ECHDC3: variants seen among roughly 807,000 people sequenced by gnomAD.
The protein encoded by ECHDC3 is enoyl-CoA hydratase domain-containing protein 3, mitochondrial.
Under a neutral mutation model 17.9 loss-of-function variants are expected in ECHDC3, and 20 were observed. The ratio of observed to expected loss-of-function variants is 1.12; its 90% CI spans 0.79 to 1.63. The LOEUF (loss-of-function observed/expected upper bound fraction) is 1.63. Ranked by LOEUF, ECHDC3 falls within the 40% of genes most tolerant of loss-of-function variation. The pLI is 0.00. For synonymous variants in ECHDC3, 177 were observed against 149.7 expected (o/e 1.18, Z -1.33); for missense variants, 407 against 357.7 (o/e 1.14, Z -1.11).
At chr10:11,748,937 A>T (rs894559252) in intron 2 of ECHDC3, among the ~76,000 whole-genome samples, 1 of 152,262 alleles carries the variant, frequency 6.6e-6, no homozygotes, top group African/African-American at 2.4e-5. Context: ...TTATCAGCTC[A>T]TCAGTAGGAT....
chr10:11,743,602 C>T (rs998786139), intron 1 of ECHDC3, among the ~76,000 whole-genome samples: 5 of 152,240 alleles, frequency 3.3e-5, no homozygotes, highest in Admixed American at 3.3e-4. Flanking sequence ...GCTCTACAGA[C>T]AGCTGCTCTT....
Position 11,763,599 on chromosome 10 carries a change from C to A in ECHDC3, c.*55C>A. On this transcript the variant is annotated 3_prime_UTR_variant, in exon 5 of 5. Transcript: ENST00000379215. This position sits in a 1 kb window ranked among gnomAD's most constrained non-coding sequence, Gnocchi z 4.9. ...AGCGCCCAGGAGCCCACCTTCCCCT[C>A]TGGCCCAGCCACCACTGCCTCTCAG... 1 of 1,442,644 alleles carries A rather than the reference C, an allele frequency of 6.9e-7. No homozygotes were observed. Among genetic ancestry groups the A allele is most frequent in the South Asian group, 1.5e-5 (1 of 68,156 alleles). The allele number at this position is 1,442,644 out of a possible 1,614,324, so 89.4% of individuals were successfully genotyped here.
chr10:11,755,317 C>G (rs1256360473), intron 3 of ECHDC3, 91 bp from the exon 4 acceptor site: 3 of 1,125,806 alleles, frequency 2.7e-6, no homozygotes, highest in Admixed American at 5.5e-5. Flanking sequence ...CAGAGTGAGA[C>G]TCTGTCAAAA....
Position 11,763,740 on chromosome 10 carries a change from G to A in ECHDC3, c.*196G>A, listed in dbSNP as rs958375966. ...CAAAATGGAGAGTGACTGAGGTGCT[G>A]ACCTCAGTGCAAGGCTGGTGAACCC... is the stretch of plus-strand genomic sequence containing the variant. On this transcript the variant is annotated 3_prime_UTR_variant, in exon 5 of 5. Transcript: ENST00000379215. The surrounding 1 kb of genome is among the most constrained non-coding windows in gnomAD (Gnocchi z 4.9). The A allele has an allele frequency of 2.4e-5, 34 of 1,396,796 alleles. No homozygotes were observed. In the African/African-American group the frequency reaches 4.5e-4, roughly 18 times the overall value. The allele number at this position is 1,396,796 out of a possible 1,614,324, so 86.5% of individuals were successfully genotyped here. A position where few individuals can be genotyped will look rare whatever the true frequency, so the allele number is the denominator to read the frequency against.
chr10:11,749,246 A>T lies in ECHDC3; in HGVS notation c.293-249A>T, dbSNP rs147464032. ...TCTCCTTATGTAATTGTGTATTTCT[A>T]TCATTTTCCATGAAGAAATTTTAGG... On this transcript the variant is annotated intron_variant, in intron 2 of 4. Coordinates refer to ENST00000379215, the MANE Select transcript of ECHDC3 (RefSeq NM_024693.5). Among the ~76,000 whole-genome samples the T allele has an allele frequency of 7.3e-3, 1,117 of 152,334 alleles. 10 individuals are homozygous for T. The highest frequency in any genetic ancestry group is 0.011 in the Non-Finnish European group (767 of 68,030).
In ECHDC3 at chr10:11,749,554, C is replaced by T. The variant is rs141101500; in HGVS notation, c.352C>T (p.Arg118Cys). 1.2e-5 allele frequency: 20 copies of T among 1,613,888 alleles called. No individual in the cohort carries two copies. In the African/African-American group the frequency reaches 1.9e-4, roughly 15 times the overall value. Residue 118 changes from arginine (R) to cysteine (C), a missense_variant, in exon 3 of 5, where the codon CGT (arginine) becomes TGT (cysteine). Transcript: ENST00000379215. ...DLKELTEEQG[R>C]DYHAEVFQTC... Reference sequence around the variant, plus strand: ...AAAGGAGCTGACAGAGGAGCAAGGCCGTGATTACCATGCCGAAGTATTTCA... The same window carrying T: ...AAAGGAGCTGACAGAGGAGCAAGGCTGTGATTACCATGCCGAAGTATTTCA...
At chr10:11,759,334 A>G (rs1832918512) in intron 4 of ECHDC3, among the ~76,000 whole-genome samples, 1 of 149,044 alleles carries the variant, frequency 6.7e-6, no homozygotes, top group South Asian at 2.2e-4. Flanking sequence ...AGCCTGGGCA[A>G]CAACAGCAAA....
chr10:11,751,186 C>T (rs4750097), intron 3 of ECHDC3, among the ~76,000 whole-genome samples: 140,954 of 152,262 alleles, frequency 0.93, 66,263 homozygotes, highest in East Asian at 1. Context: ...TTTATCCTCC[C>T]TAAGGGTCTG....
intron 4 of ECHDC3, among the ~76,000 whole-genome samples, chr10:11,756,553 C>T (rs1832888373): frequency 6.6e-6 from 1 of 152,122 alleles, no homozygotes; most frequent in Admixed American, 6.6e-5. Context: ...TTTGCAGTGC[C>T]CCTTTGTTAG....
intron 1 of ECHDC3, among the ~76,000 whole-genome samples, chr10:11,743,287 CA>C (rs1178532741): frequency 6.6e-6 from 1 of 152,214 alleles, no homozygotes; most frequent in Non-Finnish European, 1.5e-5. Context: ...GGCAAGGGTG[CA>C]AAGGGAGGCC....
At chr10:11,745,004 A>G (rs1832744900) in intron 1 of ECHDC3, among the ~76,000 whole-genome samples, 4 of 152,238 alleles carry the variant, frequency 2.6e-5, no homozygotes, top group Admixed American at 2.6e-4. Flanking sequence ...GAGGGCTAGT[A>G]GCCCACGAAA....
At position 11,764,034 on chromosome 10, in the gene ECHDC3, T is replaced by C. The variant is rs1477711192; in HGVS notation, c.*490T>C. On this transcript the variant is annotated 3_prime_UTR_variant, in exon 5 of 5. Transcript: ENST00000379215. ...TAATCATGCCTATGGCTTTGAATAATCTTATGTGATTTAAATAAATTAAAT... is the reference window on the plus strand; with the variant it reads ...TAATCATGCCTATGGCTTTGAATAACCTTATGTGATTTAAATAAATTAAAT... The C allele has an allele frequency of 1.9e-5, 16 of 820,814 alleles. No homozygotes were observed. In the South Asian group the frequency reaches 3.9e-4, roughly 20 times the overall value. 50.8% of individuals were successfully genotyped at this position (820,814 alleles called of 1,614,324 possible).
At position 11,747,341 on chromosome 10, in the gene ECHDC3, C is replaced by A; in HGVS notation, c.171-8C>A. The A allele has an allele frequency of 6.2e-7, 1 of 1,613,290 alleles. No individual in the cohort carries two copies. Among genetic ancestry groups the A allele is most frequent in the South Asian group, 1.1e-5 (1 of 90,980 alleles). On this transcript the variant is annotated splice_region_variant and splice_polypyrimidine_tract_variant and intron_variant, in intron 1 of 4. Coordinates refer to ENST00000379215, the MANE Select transcript of ECHDC3 (RefSeq NM_024693.5). ...TGTGACCCTGTGATTGTAAAATGTT[C>A]TTCACAGGAACATCGTCTTGAGCAA...
intron 2 of ECHDC3, among the ~76,000 whole-genome samples, chr10:11,748,683 C>T (rs35994983): frequency 0.16 from 24,787 of 152,112 alleles, 2,535 homozygotes; most frequent in East Asian, 0.3. Flanking sequence ...GCCAAGAGTT[C>T]GAGACCAGCC....
intron 4 of ECHDC3, among the ~76,000 whole-genome samples, chr10:11,758,527 G>A (rs1158254159): frequency 3.3e-5 from 5 of 152,234 alleles, no homozygotes; most frequent in Admixed American, 3.3e-4. Context: ...AGATGTTAGA[G>A]AGCCTGGGAG....
intron 3 of ECHDC3, 63 bp from the exon 4 acceptor site, chr10:11,755,345 C>T: frequency 2.9e-6 from 3 of 1,025,406 alleles, no homozygotes; most frequent in Non-Finnish European, 2.8e-6. Context: ...AAAAAAAAAG[C>T]AATAGGCGTT....
At chr10:11,750,765 C>G (rs1382800932) in intron 3 of ECHDC3, among the ~76,000 whole-genome samples, 1 of 152,130 alleles carries the variant, frequency 6.6e-6, no homozygotes, top group Admixed American at 6.6e-5. Flanking sequence ...ATAGTTTAAC[C>G]TAATTTTTTA....
chr10:11,742,531 C>G lies in ECHDC3; in HGVS notation c.-46C>G. ...CCCTCGGAGCGCCCAGCACCTGCGG[C>G]CGGCCAGGCAGCGCGATCCTGCGGC... On this transcript the variant is annotated 5_prime_UTR_variant, in exon 1 of 5. Coordinates refer to ENST00000379215, the MANE Select transcript of ECHDC3 (RefSeq NM_024693.5). The G allele has an allele frequency of 8.0e-7, 1 of 1,256,282 alleles. No homozygotes were observed. Among genetic ancestry groups the G allele is most frequent in the Non-Finnish European group, 1.0e-6 (1 of 1,000,962 alleles). The allele number at this position is 1,256,282 out of a possible 1,614,324, so 77.8% of individuals were successfully genotyped here.
chr10:11,746,315 T>G, intron 1 of ECHDC3, among the ~76,000 whole-genome samples: 1 of 91,876 alleles, frequency 1.1e-5, no homozygotes, highest in Non-Finnish European at 2.0e-5. Flanking sequence ...GCAACAAGAG[T>G]GAAACTCCAT....
Sources: gnomAD v4.1 joint callset for allele counts (sites outside exome capture counted in the v4.1 genomes callset) on GRCh38, gnomAD v4.1.1 for gene constraint, Gnocchi (gnomAD v3.1) non-coding constraint, MANE v1.5 for transcripts, NCBI Gene and HGNC (gene_info 2026-07-23, HGNC 2026-07-21) for gene names.